ATP8B4: variants seen among roughly 807,000 people sequenced by gnomAD.
The protein encoded by ATP8B4 is probable phospholipid-transporting ATPase IM.
In ATP8B4, 133 loss-of-function variants were observed where a neutral mutation model predicts 145.6. The ratio of observed to expected loss-of-function variants is 0.91; its 90% confidence interval spans 0.79 to 1.05. The LOEUF (loss-of-function observed/expected upper bound fraction) is 1.05, where lower values mean the gene tolerates loss of function less well. Among genes scored for constraint, ATP8B4 ranks in the 50% least tolerant of loss-of-function variants. The pLI, the probability that ATP8B4 is intolerant of heterozygous loss-of-function variation, is 0.00. For synonymous variants in ATP8B4, 507 were observed against 492.9 expected, an observed-to-expected ratio of 1.03 and a Z score of -0.38; for missense variants, 1,458 against 1,425.2, an observed-to-expected ratio of 1.02 and a Z score of -0.37.
At chr15:50,111,060 G>GAC (rs1440176749) in intron 1 of ATP8B4, among the ~76,000 whole-genome samples, 1 of 152,200 alleles carries the variant, frequency 6.6e-6, no homozygotes, top group Non-Finnish European at 1.5e-5. Flanking sequence ...AAGATACCAA[G>GAC]ACCTCCATGC....
intron 2 of ATP8B4, among the ~76,000 whole-genome samples, chr15:50,102,665 TTC>T (rs2056438817): frequency 2.6e-5 from 4 of 151,916 alleles, no homozygotes; most frequent in Non-Finnish European, 5.9e-5. Context: ...CTATCAGACA[TTC>T]AAAGAATTGG....
At chr15:50,172,352 C>G (rs915132561) in intron 1 of ATP8B4, among the ~76,000 whole-genome samples, 2 of 152,268 alleles carry the variant, frequency 1.3e-5, no homozygotes, top group Non-Finnish European at 1.5e-5. Context: ...CCCTCTTGGC[C>G]GGGCTGGTCT....
At chr15:49,874,030 G>A (rs969621584) in intron 25 of ATP8B4, among the ~76,000 whole-genome samples, 1 of 152,300 alleles carries the variant, frequency 6.6e-6, no homozygotes, top group African/African-American at 2.4e-5. Flanking sequence ...TCAGTAGCAG[G>A]AGAATTTCCT....
intron 1 of ATP8B4, among the ~76,000 whole-genome samples, chr15:50,138,753 T>C (rs1409402750): frequency 6.6e-6 from 1 of 152,246 alleles, no homozygotes; most frequent in Admixed American, 6.5e-5. Flanking sequence ...TCACTTCTTA[T>C]CTTTTTCTCC....
At position 50,158,436 on chromosome 15, in the gene ATP8B4, T is replaced by TG. The variant is rs533764129; in HGVS notation, c.-43+23824dup. Reference sequence around the variant, plus strand: ...CCAGCTGCCCCGTCCAGGAGGGAGGTGGGGGGTCAGACCCCGCCCGGCCAG... The same window carrying TG: ...CCAGCTGCCCCGTCCAGGAGGGAGGTGGGGGGGTCAGACCCCGCCCGGCCAG... On this transcript the variant is annotated intron_variant, in intron 1 of 3. Coordinates refer to the ATP8B4 transcript ENST00000558829. 8.8e-3 allele frequency among the ~76,000 whole-genome samples: 1,231 copies of TG among 140,334 alleles called. 38 individuals are homozygous for TG. The highest frequency in any genetic ancestry group is 0.061 in the East Asian group (281 of 4,608). The allele number at this position is 140,334 out of a possible 152,430, so 92.1% of individuals were successfully genotyped here. A position where few individuals can be genotyped will look rare whatever the true frequency, so the allele number is the denominator to read the frequency against.
At chr15:49,871,881 T>C (rs2033717349) in intron 25 of ATP8B4, among the ~76,000 whole-genome samples, 1 of 152,064 alleles carries the variant, frequency 6.6e-6, no homozygotes, top group Admixed American at 6.6e-5. Flanking sequence ...TCAGAATTAA[T>C]GGTGGGAGTG....
chr15:49,946,371 T>C (rs2042564911), intron 14 of ATP8B4, among the ~76,000 whole-genome samples: 1 of 152,228 alleles, frequency 6.6e-6, no homozygotes, highest in Non-Finnish European at 1.5e-5. Context: ...AATTCAACTT[T>C]CTCAGTCCAG....
intron 2 of ATP8B4, among the ~76,000 whole-genome samples, chr15:50,095,167 C>T (rs549480518): frequency 1.2e-4 from 18 of 152,046 alleles, no homozygotes; most frequent in Non-Finnish European, 2.4e-4. Context: ...GATAGCAGCC[C>T]TTCCCTGGTG....
chr15:50,030,516 A>C (rs988842618), intron 6 of ATP8B4, among the ~76,000 whole-genome samples: 2 of 152,166 alleles, frequency 1.3e-5, no homozygotes, highest in African/African-American at 4.8e-5. Flanking sequence ...GAATGGGGGA[A>C]GGAGACATTA....
intron 1 of ATP8B4, among the ~76,000 whole-genome samples, chr15:50,162,527 G>A (rs575109959): frequency 8.6e-4 from 131 of 151,492 alleles, no homozygotes; most frequent in African/African-American, 3.1e-3. Context: ...TTCTTTTTTA[G>A]ATGGAGTCTC....
intron 14 of ATP8B4, among the ~76,000 whole-genome samples, chr15:49,944,389 A>G (rs1439179125): frequency 6.6e-6 from 1 of 152,184 alleles, no homozygotes; most frequent in Non-Finnish European, 1.5e-5. Context: ...ATATTCCATG[A>G]AAATGGCAAA....
chr15:49,996,673 T>C lies in ATP8B4; in HGVS notation c.589+4A>G. 6.3e-7 allele frequency: 1 copy of C among 1,595,366 alleles called. No homozygotes were observed. The highest frequency in any genetic ancestry group is 8.6e-7 in the Non-Finnish European group (1 of 1,165,532). On this transcript the variant is annotated splice_donor_region_variant and intron_variant, in intron 9 of 27. Transcript: ENST00000284509. ...TTGTTTGTTTATCTGTTTAAAATAC[T>C]TACCATCAAACCCTGCAAGTCTGCT...
At position 49,994,336 on chromosome 15, in the gene ATP8B4, C is replaced by T. The variant is rs558651594; in HGVS notation, c.589+2341G>A. ...CATCGTTTCACACTCTCTTCCCAGT[C>T]TCTTTACGTTAGGACTTTCCTTTGC... is the stretch of plus-strand genomic sequence containing the variant. On this transcript the variant is annotated intron_variant, in intron 9 of 27. Coordinates refer to ENST00000284509, the MANE Select transcript of ATP8B4 (RefSeq NM_024837.4). Among the ~76,000 whole-genome samples the T allele has an allele frequency of 2.5e-4, 38 of 152,252 alleles. 1 individual carries two copies. Among genetic ancestry groups the T allele is most frequent in the African/African-American group, 8.7e-4 (36 of 41,562 alleles).
intron 1 of ATP8B4, among the ~76,000 whole-genome samples, chr15:50,157,053 T>C (rs1450724559): frequency 2.0e-5 from 3 of 147,962 alleles, no homozygotes; most frequent in Admixed American, 1.3e-4. Flanking sequence ...TTTAACTCAA[T>C]TGTACAGATC....
At chr15:50,003,014 T>C (rs1034461746) in intron 7 of ATP8B4, among the ~76,000 whole-genome samples, 3 of 152,206 alleles carry the variant, frequency 2.0e-5, no homozygotes, top group Non-Finnish European at 4.4e-5. Flanking sequence ...AATAAGTGTT[T>C]TTATAAAATT....
At chr15:50,145,338 A>G (rs916478420) in intron 1 of ATP8B4, among the ~76,000 whole-genome samples, 2 of 152,250 alleles carry the variant, frequency 1.3e-5, no homozygotes, top group African/African-American at 2.4e-5. Flanking sequence ...ATCACAGATC[A>G]GTCATACATT....
At chr15:50,009,694 C>T in intron 7 of ATP8B4, 1 of 454,474 alleles carries the variant, frequency 2.2e-6, no homozygotes, top group Non-Finnish European at 4.4e-6. Context: ...ATAAGATGGA[C>T]AAGCAAATTT....
chr15:50,047,507 G>A, intron 3 of ATP8B4, 43 bp from the exon 4 acceptor site: 1 of 1,190,848 alleles, frequency 8.4e-7, no homozygotes, highest in Non-Finnish European at 1.3e-6. Flanking sequence ...GCAAGGCATT[G>A]CTCATGATCA....
chr15:50,016,862 G>A (rs1479913835), intron 6 of ATP8B4, among the ~76,000 whole-genome samples: 1 of 152,160 alleles, frequency 6.6e-6, no homozygotes, highest in Non-Finnish European at 1.5e-5. Context: ...ACTACAAACT[G>A]AGAGCCCATT....
Sources: gnomAD v4.1 joint callset for allele counts (sites outside exome capture counted in the v4.1 genomes callset) on GRCh38, gnomAD v4.1.1 for gene constraint, MANE v1.5 for transcripts, NCBI Gene and HGNC (gene_info 2026-07-23, HGNC 2026-07-21) for gene names.